The following ZFPM2 variants were observed in gnomAD, a reference collection of about 807,000 sequenced individuals.
The protein encoded by ZFPM2 is zinc finger protein, FOG family member 2.
A neutral mutation model predicts 98.6 loss-of-function variants in ZFPM2; 20 were observed. The ratio of observed to expected loss-of-function variants is 0.20; its 90% CI spans 0.14 to 0.29. ZFPM2 has a LOEUF of 0.29. Ranked by LOEUF, ZFPM2 falls within the 10% of genes least tolerant of loss-of-function variation. The probability of loss-of-function intolerance (pLI) is 1.00; values close to 1 mark genes in which losing one functional copy is unlikely to be tolerated. For missense variants in ZFPM2, 1,310 were observed against 1,388.6 expected (o/e 0.94, Z 0.90); for synonymous variants, 518 against 502.7 (o/e 1.03, Z -0.41).
At chr8:105,429,424 C>T (rs374861404) in intron 2 of ZFPM2, among the ~76,000 whole-genome samples, 74 of 142,740 alleles carry the variant, frequency 5.2e-4, no homozygotes, top group South Asian at 3.8e-3. Flanking sequence ...GGAAAGAAAA[C>T]GTGCACAAGT....
intron 3 of ZFPM2, among the ~76,000 whole-genome samples, chr8:105,542,899 C>T (rs1281985198): frequency 6.6e-6 from 1 of 151,994 alleles, no homozygotes; most frequent in Non-Finnish European, 1.5e-5. Flanking sequence ...TTTGCTTATA[C>T]TTGTTTGTCT....
chr8:105,729,351 G>A (rs1811879286), intron 5 of ZFPM2, among the ~76,000 whole-genome samples: 1 of 151,296 alleles, frequency 6.6e-6, no homozygotes, highest in Admixed American at 6.6e-5. Context: ...AATTTTCATT[G>A]TAAAGGATTT....
chr8:105,608,940 G>A (rs189406946), intron 4 of ZFPM2, among the ~76,000 whole-genome samples: 5 of 151,798 alleles, frequency 3.3e-5, no homozygotes, highest in Admixed American at 6.6e-5. Flanking sequence ...AGTGGGGGGC[G>A]TATATCAACA....
At chr8:105,474,371 A>C (rs1812972486) in intron 3 of ZFPM2, among the ~76,000 whole-genome samples, 2 of 152,230 alleles carry the variant, frequency 1.3e-5, no homozygotes, top group Non-Finnish European at 2.9e-5. Flanking sequence ...TTATTTACCC[A>C]TGTTGACAGT....
chr8:105,614,214 A>G (rs1278687686), intron 4 of ZFPM2, among the ~76,000 whole-genome samples: 1 of 152,126 alleles, frequency 6.6e-6, no homozygotes, highest in Non-Finnish European at 1.5e-5. Context: ...GATGTTAATT[A>G]TTATTTCTGT....
chr8:105,754,673 G>T (rs1193998569), intron 5 of ZFPM2, among the ~76,000 whole-genome samples: 1 of 141,912 alleles, frequency 7.0e-6, no homozygotes, highest in Non-Finnish European at 1.5e-5. Flanking sequence ...GAGAAAAGTA[G>T]TAGCAACCTT....
intron 5 of ZFPM2, among the ~76,000 whole-genome samples, chr8:105,730,973 T>G (rs1811921067): frequency 6.6e-6 from 1 of 151,608 alleles, no homozygotes; most frequent in Non-Finnish European, 1.5e-5. Flanking sequence ...TGAACTGCTA[T>G]TACTGGATCA....
chr8:105,569,046 T>C (rs1482855180), intron 4 of ZFPM2, among the ~76,000 whole-genome samples: 1 of 151,904 alleles, frequency 6.6e-6, no homozygotes, highest in Non-Finnish European at 1.5e-5. Context: ...CTGCTCAAAG[T>C]CACTTCCAAG....
intron 1 of ZFPM2, among the ~76,000 whole-genome samples, chr8:105,345,416 C>T (rs1203275274): frequency 3.2e-5 from 4 of 123,890 alleles, no homozygotes; most frequent in East Asian, 5.1e-4. Flanking sequence ...CTAGCTTATT[C>T]GTGATGTTCT....
At position 105,402,709 on chromosome 8, in the gene ZFPM2, T is replaced by C. The variant is rs1811365153; in HGVS notation, c.41-16435T>C. Among the ~76,000 whole-genome samples the C allele has an allele frequency of 2.6e-5, 4 of 152,090 alleles. No homozygotes were observed. In the South Asian group the frequency reaches 8.3e-4, roughly 31 times the overall value. On this transcript the variant is annotated intron_variant, in intron 1 of 7. Transcript: ENST00000407775. ...ATCAAAATCAAACTTTTATTTGTAA[T>C]TTGACATTTATAAAAAAAATCCTTT...
At chr8:105,508,631 C>T (rs1040401353) in intron 3 of ZFPM2, among the ~76,000 whole-genome samples, 3 of 152,020 alleles carry the variant, frequency 2.0e-5, no homozygotes, top group African/African-American at 7.2e-5. Context: ...AAACTGGCCT[C>T]CTTCACTGCC....
At chr8:105,589,885 C>G (rs369501434) in intron 4 of ZFPM2, among the ~76,000 whole-genome samples, 1 of 137,004 alleles carries the variant, frequency 7.3e-6, no homozygotes, top group East Asian at 2.0e-4. Context: ...CCAAGTCTGG[C>G]TAATTTTTGT....
At chr8:105,385,420 G>C (rs1245938270) in intron 1 of ZFPM2, among the ~76,000 whole-genome samples, 2 of 152,094 alleles carry the variant, frequency 1.3e-5, no homozygotes, top group Non-Finnish European at 2.9e-5. Context: ...TCATTTCTCT[G>C]TTTTCATTGG....
At chr8:105,743,537 A>G (rs1812273351) in intron 5 of ZFPM2, among the ~76,000 whole-genome samples, 1 of 151,952 alleles carries the variant, frequency 6.6e-6, no homozygotes, top group Non-Finnish European at 1.5e-5. Flanking sequence ...CTCTATGGAT[A>G]ATATGGAAGC....
At chr8:105,397,951 C>T (rs1335594670) in intron 1 of ZFPM2, among the ~76,000 whole-genome samples, 1 of 151,974 alleles carries the variant, frequency 6.6e-6, no homozygotes, top group Non-Finnish European at 1.5e-5. Context: ...GTTTAACCAG[C>T]TACATCAGAT....
intron 5 of ZFPM2, among the ~76,000 whole-genome samples, chr8:105,644,741 G>A (rs763634722): frequency 2.8e-4 from 42 of 152,178 alleles, no homozygotes; most frequent in Admixed American, 4.6e-4. Flanking sequence ...TCTCTTCTGG[G>A]TTTGTGGATG....
intron 7 of ZFPM2, among the ~76,000 whole-genome samples, chr8:105,799,869 A>C (rs1242281069): frequency 6.6e-6 from 1 of 152,150 alleles, no homozygotes; most frequent in African/African-American, 2.4e-5. Context: ...TTGAGTTTTA[A>C]GCTACTGTTC....
chr8:105,785,121 T>C (rs1002548354), intron 5 of ZFPM2: 1 of 152,210 alleles, frequency 6.6e-6, no homozygotes, highest in South Asian at 2.1e-4. Context: ...ACCACATGAA[T>C]GCAGAGAGCA....
intron 3 of ZFPM2, among the ~76,000 whole-genome samples, chr8:105,489,448 T>TATATATATATATATA (rs1489973438): frequency 2.8e-5 from 3 of 108,868 alleles, no homozygotes; most frequent in African/African-American, 1.2e-4. Flanking sequence ...ATATATGTTT[T>TATATATATATATATA]TATATATATA....
Sources: allele counts gnomAD v4.1 joint callset (sites outside exome capture counted in the v4.1 genomes callset), GRCh38; gene constraint gnomAD v4.1.1; transcripts MANE v1.5; gene names NCBI Gene and HGNC (gene_info 2026-07-23, HGNC 2026-07-21).